The following MAGI2 variants were observed in gnomAD, a reference collection of about 807,000 sequenced individuals.
MAGI2 encodes the protein membrane associated guanylate kinase, WW and PDZ domain containing 2, also known as membrane-associated guanylate kinase, WW and PDZ domain-containing protein 2.
A neutral mutation model predicts 133.3 loss-of-function variants in MAGI2; 35 were observed. The ratio of observed to expected loss-of-function variants is 0.26; its 90% CI spans 0.20 to 0.35. The LOEUF is 0.35. MAGI2 is among the 10% of genes least tolerant of loss of function. The probability of loss-of-function intolerance (pLI) is 1.00; values close to 1 mark genes in which losing one functional copy is unlikely to be tolerated. For synonymous variants in MAGI2, 729 were observed against 710.6 expected (o/e 1.03, Z -0.41); for missense variants, 1,636 against 1,863.4 (o/e 0.88, Z 2.25).
chr7:78,728,155 G>C (rs1821001409), intron 2 of MAGI2, among the ~76,000 whole-genome samples: 1 of 152,158 alleles, frequency 6.6e-6, no homozygotes, highest in Admixed American at 6.5e-5. Flanking sequence ...AGAATAATCT[G>C]CATTAAGGAT....
rs185254263 is a variant in MAGI2 at position 78,468,182 on chromosome 7, T to C, written c.1045+21579A>G. The stretch of plus-strand genomic sequence containing the variant: ...TTTGTAAAATGACAATTATAATTCC[T>C]GCCTCACATAGTTTTATCAGGTTTA... On this transcript the variant is annotated intron_variant, in intron 6 of 21. Transcript: ENST00000354212. Among the ~76,000 whole-genome samples the C allele has an allele frequency of 2.9e-4, 44 of 152,302 alleles. No homozygotes were observed. In the East Asian group the frequency reaches 8.3e-3, roughly 29 times the overall value.
intron 21 of MAGI2, among the ~76,000 whole-genome samples, chr7:78,055,680 A>G (rs1463292569): frequency 6.6e-6 from 1 of 152,196 alleles, no homozygotes; most frequent in Non-Finnish European, 1.5e-5. Context: ...CAGGGGCAGG[A>G]CCCAAAACAA....
chr7:79,351,079 T>G (rs1454619144), intron 1 of MAGI2, among the ~76,000 whole-genome samples: 1 of 152,156 alleles, frequency 6.6e-6, no homozygotes, highest in Non-Finnish European at 1.5e-5. Context: ...TTAGTTTGAT[T>G]CTAAAACCAG....
chr7:78,584,237 C>T (rs183390130), intron 3 of MAGI2, among the ~76,000 whole-genome samples: 8 of 151,890 alleles, frequency 5.3e-5, no homozygotes, highest in Admixed American at 3.9e-4. Context: ...CTGGTCAATA[C>T]GGTGAAACCC....
intron 3 of MAGI2, among the ~76,000 whole-genome samples, chr7:78,573,211 TATATAAATATATATAA>T (rs1210546464): frequency 2.7e-5 from 2 of 74,774 alleles, no homozygotes; most frequent in South Asian, 3.4e-4. Context: ...TATAAATATA[TATATAAATATATATAA>T]ATATAAATAT....
chr7:78,747,403 A>T (rs955947677), intron 2 of MAGI2, among the ~76,000 whole-genome samples: 5 of 152,178 alleles, frequency 3.3e-5, no homozygotes, highest in Non-Finnish European at 7.4e-5. Flanking sequence ...TAGACACAAT[A>T]AATATTTATT....
intron 20 of MAGI2, among the ~76,000 whole-genome samples, chr7:78,122,150 G>A (rs371538523): frequency 6.6e-6 from 1 of 152,192 alleles, no homozygotes; most frequent in Non-Finnish European, 1.5e-5. Context: ...AGTAGGAGGA[G>A]AATGAAATCA....
At chr7:79,268,240 G>C (rs909333284) in intron 1 of MAGI2, among the ~76,000 whole-genome samples, 1 of 152,070 alleles carries the variant, frequency 6.6e-6, no homozygotes, top group Non-Finnish European at 1.5e-5. Context: ...ATACTTTTGG[G>C]TACTGTTATC....
At chr7:79,193,353 A>G (rs1168293154) in intron 1 of MAGI2, among the ~76,000 whole-genome samples, 2 of 152,044 alleles carry the variant, frequency 1.3e-5, no homozygotes, top group African/African-American at 4.8e-5. Flanking sequence ...CATCAGTAAG[A>G]TGAAGCTAAA....
At chr7:78,323,686 T>A (rs1041839180) in intron 9 of MAGI2, among the ~76,000 whole-genome samples, 2 of 152,210 alleles carry the variant, frequency 1.3e-5, no homozygotes, top group Non-Finnish European at 2.9e-5. Context: ...CATTTTAACA[T>A]CAACAATCAA....
intron 21 of MAGI2, among the ~76,000 whole-genome samples, chr7:78,038,395 G>C (rs1810456206): frequency 1.0e-5 from 1 of 95,388 alleles, no homozygotes; most frequent in African/African-American, 6.1e-5. Context: ...ACACTAACTT[G>C]ATGTTTTACT....
At chr7:79,342,918 C>A (rs935484836) in intron 1 of MAGI2, among the ~76,000 whole-genome samples, 1 of 151,892 alleles carries the variant, frequency 6.6e-6, no homozygotes, top group Admixed American at 6.6e-5. Flanking sequence ...TGCCACCATG[C>A]CTGGCTATTT....
At chr7:78,103,564 C>T (rs1011719215) in intron 20 of MAGI2, among the ~76,000 whole-genome samples, 10 of 152,174 alleles carry the variant, frequency 6.6e-5, no homozygotes, top group African/African-American at 2.2e-4. Flanking sequence ...ATGCATTGAC[C>T]TTTCTTTTGT....
At chr7:78,089,707 G>A (rs182287795) in intron 20 of MAGI2, among the ~76,000 whole-genome samples, 34 of 152,190 alleles carry the variant, frequency 2.2e-4, no homozygotes, top group Non-Finnish European at 3.7e-4. Flanking sequence ...TCCAAGTCCC[G>A]TCAGTTCTAC....
chr7:78,606,996 GC>G (rs1275785661), intron 3 of MAGI2, among the ~76,000 whole-genome samples: 3 of 152,106 alleles, frequency 2.0e-5, no homozygotes, highest in African/African-American at 7.2e-5. Flanking sequence ...GGCCTGGCAA[GC>G]CCCTGGATAT....
At chr7:79,039,665 A>AAAT (rs1037707639) in intron 1 of MAGI2, among the ~76,000 whole-genome samples, 1 of 151,512 alleles carries the variant, frequency 6.6e-6, no homozygotes, top group African/African-American at 2.4e-5. Context: ...TCAAAACTAA[A>AAAT]AATAATAATA....
At chr7:78,754,204 C>T (rs1266907883) in intron 2 of MAGI2, among the ~76,000 whole-genome samples, 5 of 151,820 alleles carry the variant, frequency 3.3e-5, no homozygotes, top group African/African-American at 7.3e-5. Flanking sequence ...TAGCAAAACC[C>T]TGCTATCTAC....
chr7:78,332,329 T>C (rs1789293954), intron 9 of MAGI2, among the ~76,000 whole-genome samples: 1 of 152,214 alleles, frequency 6.6e-6, no homozygotes, highest in Non-Finnish European at 1.5e-5. Context: ...TTGTTTTTAA[T>C]CCCCAAGTGG....
At chr7:79,161,407 A>G (rs1237400173) in intron 1 of MAGI2, among the ~76,000 whole-genome samples, 1 of 152,104 alleles carries the variant, frequency 6.6e-6, no homozygotes, top group Non-Finnish European at 1.5e-5. Flanking sequence ...GTACTTTTCG[A>G]TAACAATGAC....
Sources: gnomAD v4.1 joint callset for allele counts (sites outside exome capture counted in the v4.1 genomes callset) on GRCh38, gnomAD v4.1.1 for gene constraint, MANE v1.5 for transcripts, NCBI Gene and HGNC (gene_info 2026-07-23, HGNC 2026-07-21) for gene names.